Variants in STAB2 observed in about 807,000 individuals in gnomAD.
STAB2 encodes the protein stabilin 2.
In STAB2, 288 loss-of-function variants were observed where a neutral mutation model predicts 338.1. The ratio of observed to expected loss-of-function variants is 0.85; its 90% CI spans 0.77 to 0.94. The LOEUF is 0.94. STAB2 is among the 40% of genes least tolerant of loss of function. The pLI, the probability that STAB2 is intolerant of heterozygous loss-of-function variation, is 0.00. For synonymous variants in STAB2, 1,202 were observed against 1,193.3 expected (o/e 1.01, Z -0.15); for missense variants, 3,141 against 3,210.1 (o/e 0.98, Z 0.52).
At chr12:103,725,177 G>A in intron 45 of STAB2, 83 bp downstream of exon 45, 1 of 1,546,742 alleles carries the variant, frequency 6.5e-7, no homozygotes, top group Non-Finnish European at 8.8e-7. Context: ...GTATTTAAGA[G>A]CTTGGTGAAA....
intron 39 of STAB2, among the ~76,000 whole-genome samples, chr12:103,709,437 G>A (rs755088767): frequency 1.4e-4 from 22 of 152,342 alleles, no homozygotes; most frequent in East Asian, 3.9e-4. Flanking sequence ...CAATATGATC[G>A]TATTTGGCAC....
intron 60 of STAB2, among the ~76,000 whole-genome samples, 179 bp downstream of exon 60, chr12:103,750,899 C>T (rs1566076482): frequency 2.0e-5 from 3 of 152,270 alleles, no homozygotes; most frequent in Non-Finnish European, 2.9e-5. Flanking sequence ...GAGACCAGCC[C>T]GGCCAACATG....
At chr12:103,695,491 C>G (rs953415087) in intron 31 of STAB2, 59 bp from the exon 32 acceptor site, 6 of 1,544,694 alleles carry the variant, frequency 3.9e-6, no homozygotes, top group South Asian at 2.3e-5. Flanking sequence ...TCCTATGTAT[C>G]GAAAAGCAGT....
intron 55 of STAB2, 28 bp from the exon 56 acceptor site, chr12:103,742,377 T>C: frequency 6.2e-7 from 1 of 1,611,864 alleles, no homozygotes; most frequent in Non-Finnish European, 8.5e-7. Context: ...GGGAGACTGT[T>C]GAGTCACTGC....
chr12:103,627,732 A>G (rs565190398), intron 5 of STAB2, among the ~76,000 whole-genome samples: 10 of 152,236 alleles, frequency 6.6e-5, no homozygotes, highest in African/African-American at 2.4e-4. Context: ...CCAATACCAC[A>G]CAGCCAGGAG....
chr12:103,602,016 A>G (rs372731727), intron 3 of STAB2, among the ~76,000 whole-genome samples: 12 of 152,332 alleles, frequency 7.9e-5, no homozygotes, highest in African/African-American at 2.9e-4. Context: ...CCTTTTAAGT[A>G]TACAGCTATT....
chr12:103,653,066 A>C (rs970860244), intron 12 of STAB2, among the ~76,000 whole-genome samples: 1 of 152,196 alleles, frequency 6.6e-6, no homozygotes, highest in African/African-American at 2.4e-5. Flanking sequence ...AGAAGGAAAT[A>C]GATTGTATTT....
chr12:103,638,834 A>C (rs1177525282), intron 8 of STAB2, among the ~76,000 whole-genome samples: 1 of 152,216 alleles, frequency 6.6e-6, no homozygotes, highest in Non-Finnish European at 1.5e-5. Context: ...TTCTGTGTCC[A>C]TAACTGCACA....
intron 61 of STAB2, among the ~76,000 whole-genome samples, chr12:103,754,005 A>G (rs2139202069): frequency 6.6e-6 from 1 of 152,306 alleles, no homozygotes; most frequent in South Asian, 2.1e-4. Context: ...AGTCCTACCC[A>G]TTTGGAAAAG....
rs1872819421 is a variant in STAB2 at position 103,640,220 on chromosome 12, A to T, written c.1004A>T (p.Asn335Ile). ...AAATCAGATAACCCGTGTCATAGGA[A>T]TGCAAATTGCACCACCGTCGCACCA... ...ICKSDNPCHR[N>I]ANCTTVAPGR... is the part of the protein sequence containing the mutation. Residue 335 changes from asparagine to isoleucine, a missense_variant, in exon 9 of 69, where the codon AAT becomes ATT. Physicochemically the swap from Asn to Ile is moderately radical, Grantham distance 149. Transcript: ENST00000388887. 4 of 1,613,852 alleles carry T rather than the reference A, an allele frequency of 2.5e-6. No homozygotes were observed. Among genetic ancestry groups the T allele is most frequent in the Non-Finnish European group, 3.4e-6 (4 of 1,179,782 alleles).
chr12:103,662,812 G>A (rs1416300271), intron 17 of STAB2, 34 bp from the exon 18 acceptor site: 1 of 1,612,162 alleles, frequency 6.2e-7, no homozygotes, highest in African/African-American at 1.3e-5. Flanking sequence ...GTACAGAATA[G>A]TACAGAATTA....
intron 6 of STAB2, among the ~76,000 whole-genome samples, chr12:103,634,409 G>A (rs191256225): frequency 3.3e-5 from 5 of 152,236 alleles, no homozygotes; most frequent in Admixed American, 6.5e-5. Flanking sequence ...GGCAAGTACC[G>A]TGTGAAAATC....
chr12:103,683,589 A>T (rs1444350888), intron 26 of STAB2, among the ~76,000 whole-genome samples: 2 of 152,268 alleles, frequency 1.3e-5, no homozygotes, highest in Non-Finnish European at 2.9e-5. Flanking sequence ...GGTGTGGGAT[A>T]AACTTATAAT....
chr12:103,757,491 A>G (rs1884218513), intron 63 of STAB2, among the ~76,000 whole-genome samples: 2 of 152,374 alleles, frequency 1.3e-5, no homozygotes, highest in South Asian at 4.1e-4. Flanking sequence ...GAGTGCTAGA[A>G]GATGATAGAT....
intron 51 of STAB2, among the ~76,000 whole-genome samples, chr12:103,734,481 G>C (rs1056956271): frequency 6.6e-6 from 1 of 152,070 alleles, no homozygotes; most frequent in Admixed American, 6.5e-5. Flanking sequence ...GATCATATAG[G>C]AGCATGCACA....
chr12:103,726,072 T>C (rs759819485), intron 45 of STAB2, 44 bp from the exon 46 acceptor site: 5 of 1,609,066 alleles, frequency 3.1e-6, no homozygotes, highest in East Asian at 4.5e-5. Context: ...ATTGTTCTAA[T>C]ATATATTTCA....
intron 9 of STAB2, among the ~76,000 whole-genome samples, chr12:103,643,445 C>A (rs898079159): frequency 2.0e-5 from 3 of 152,160 alleles, no homozygotes; most frequent in Non-Finnish European, 4.4e-5. Context: ...CAGCCTAACA[C>A]CCTGCTCCTT....
At chr12:103,682,976 A>G (rs1400609492) in intron 25 of STAB2, among the ~76,000 whole-genome samples, 1 of 152,106 alleles carries the variant, frequency 6.6e-6, no homozygotes, top group Non-Finnish European at 1.5e-5. Flanking sequence ...ATATAAATAA[A>G]TTCAGGAAGA....
At chr12:103,678,227 A>G (rs996955184) in intron 25 of STAB2, among the ~76,000 whole-genome samples, 4 of 152,242 alleles carry the variant, frequency 2.6e-5, no homozygotes, top group African/African-American at 7.2e-5. Context: ...GAATCTTGAT[A>G]CAGTTTCTCA....
Sources: gnomAD v4.1 joint callset for allele counts (sites outside exome capture counted in the v4.1 genomes callset) on GRCh38, gnomAD v4.1.1 for gene constraint, MANE v1.5 for transcripts, NCBI Gene and HGNC (gene_info 2026-07-23, HGNC 2026-07-21) for gene names.